Variants in RRN3 observed in about 807,000 individuals in gnomAD.
RRN3 encodes the protein RNA polymerase I-specific transcription initiation factor RRN3.
RRN3 carries 38 observed loss-of-function variants against 82.3 expected under a neutral mutation model. The observed-to-expected ratio is 0.46, with a 90% CI of 0.36 to 0.61. The LOEUF is 0.61. Ranked by LOEUF, RRN3 falls within the 20% of genes least tolerant of loss-of-function variation. RRN3 has a pLI of 0.00. For missense variants in RRN3, 726 were observed against 793.1 expected (o/e 0.92, Z 1.02); for synonymous variants, 284 against 284.3 (o/e 1.00, Z 0.01).
chr16:15,094,208 C>T lies in RRN3; in HGVS notation c.26G>A (p.Arg9His), dbSNP rs1185280098. The T allele has an allele frequency of 6.3e-7, 1 of 1,597,752 alleles. No individual in the cohort carries two copies. Among genetic ancestry groups the T allele is most frequent in the South Asian group, 1.1e-5 (1 of 88,278 alleles). The change falls in exon 1 of 18, where the codon CGT becomes CAT. Residue 9 changes from arginine (R) to histidine (H), a missense_variant. This residue lies in a region of RRN3 where 135 missense variants were observed against 87.4 expected (regional missense o/e 1.55). Coordinates refer to ENST00000198767, the MANE Select transcript of RRN3 (RefSeq NM_018427.5). ...CGAAGCGGCCGCATCTCCCGGCAAA[C>T]GCGTGTGAAGCAGCGGTGCCGCCAT... MAAPLLHT[R>H]LPGDAAASSS...
intron 1 of RRN3, chr16:15,093,936 C>G (rs868750480): frequency 2.7e-5 from 16 of 586,418 alleles, no homozygotes; most frequent in African/African-American, 2.5e-4. Context: ...GCCTCCAGAA[C>G]AGAGAACATA....
rs2045917593 is a variant in RRN3, at chr16:15,086,383, T to C, written c.324A>G (p.Gln108=). 10 of 1,613,746 alleles carry C rather than the reference T, an allele frequency of 6.2e-6. No homozygotes were observed. The East Asian group carries it at 2.2e-4, about 36-fold the overall frequency. Reference sequence around the variant, plus strand: ...AACTTACTAATATAATACTGATAAGTTGCTCAAAGTCTTTTGTCAAGTACA... The same window carrying C: ...AACTTACTAATATAATACTGATAAGCTGCTCAAAGTCTTTTGTCAAGTACA... ...SIMYLTKDFE[Q]LISIILRLPW... is the part of the protein sequence containing the mutation. Residue 108 remains glutamine (Q), a synonymous_variant, in exon 4 of 18, where the codon CAA becomes CAG. Coordinates refer to ENST00000198767, the MANE Select transcript of RRN3 (RefSeq NM_018427.5).
At chr16:15,082,948 GC>G (rs1415108173) in intron 8 of RRN3, among the ~76,000 whole-genome samples, 1 of 152,156 alleles carries the variant, frequency 6.6e-6, no homozygotes, top group Non-Finnish European at 1.5e-5. Context: ...TGAGCATAAA[GC>G]CACTACAGAT....
chr16:15,084,202 T>A (rs1209701528), intron 7 of RRN3, among the ~76,000 whole-genome samples: 1 of 152,216 alleles, frequency 6.6e-6, no homozygotes, highest in Non-Finnish European at 1.5e-5. Flanking sequence ...GAAAAAATCA[T>A]CAAGTTGGAT....
intron 3 of RRN3, among the ~76,000 whole-genome samples, chr16:15,089,567 A>G (rs1280270178): frequency 5.9e-5 from 9 of 152,106 alleles, no homozygotes; most frequent in East Asian, 1.9e-4. Flanking sequence ...TTGGGAGGCC[A>G]AGGCGGGCGG....
chr16:15,090,442 T>C (rs2046085912), intron 3 of RRN3, among the ~76,000 whole-genome samples: 1 of 152,214 alleles, frequency 6.6e-6, no homozygotes, highest in Non-Finnish European at 1.5e-5. Context: ...ATTTCCATGT[T>C]TAAAGCCAGG....
At chr16:15,064,580 C>T (rs2044874337) in intron 16 of RRN3, among the ~76,000 whole-genome samples, 2 of 152,210 alleles carry the variant, frequency 1.3e-5, no homozygotes, top group South Asian at 4.1e-4. Flanking sequence ...AGACAGCACC[C>T]TCCCCTATCC....
At chr16:15,081,773 G>C (rs1036144433) in intron 8 of RRN3, among the ~76,000 whole-genome samples, 1 of 152,110 alleles carries the variant, frequency 6.6e-6, no homozygotes, top group East Asian at 1.9e-4. Context: ...AAATGTACTC[G>C]TTTTCTTCTC....
At chr16:15,087,003 G>A (rs143601319) in intron 3 of RRN3, among the ~76,000 whole-genome samples, 295 of 152,136 alleles carry the variant, frequency 1.9e-3, no homozygotes, top group Admixed American at 6.2e-3. Flanking sequence ...ATATTTTTCG[G>A]GCAATCAAAT....
Position 15,068,244 on chromosome 16 carries a change from C to T in RRN3, c.1478G>A (p.Arg493Gln), listed in dbSNP as rs747114200. The change falls in exon 15 of 18, where the codon CGG (arginine) becomes CAG (glutamine). Residue 493 changes from arginine (R) to glutamine (Q), a missense_variant. By Grantham distance (43) the Arg-to-Gln change is conservative. Transcript: ENST00000198767. ...LQYLQSLNFERIVMSQLNPLK... is the reference protein window; with the variant it reads ...LQYLQSLNFEQIVMSQLNPLK... ...GGGATTTAGCTGGCTCATCACTATC[C>T]GCTCAAAATTCAGACTCTGAAGATA... is the stretch of plus-strand genomic sequence containing the variant. 5.4e-5 allele frequency: 86 copies of T among 1,582,512 alleles called. No individual in the cohort carries two copies. Among genetic ancestry groups the T allele is most frequent in the Admixed American group, 7.3e-5 (4 of 55,094 alleles).
chr16:15,077,708 G>C (rs2045522186), intron 9 of RRN3, among the ~76,000 whole-genome samples: 1 of 152,206 alleles, frequency 6.6e-6, no homozygotes, highest in African/African-American at 2.4e-5. Context: ...GGGCATGGTG[G>C]CATGTGCCTG....
At chr16:15,086,530 A>G in intron 3 of RRN3, 76 bp from the exon 4 acceptor site, 1 of 1,584,334 alleles carries the variant, frequency 6.3e-7, no homozygotes. Flanking sequence ...TCTTATATCA[A>G]TCATTTATCA....
intron 14 of RRN3, among the ~76,000 whole-genome samples, chr16:15,069,606 G>A (rs1304456842): frequency 6.6e-6 from 1 of 152,164 alleles, no homozygotes; most frequent in Admixed American, 6.5e-5. Flanking sequence ...AGCCAAACCT[G>A]GCTTCAGTTT....
rs1247093876 is a variant in RRN3 at position 15,085,676 on chromosome 16, G to A, written c.495C>T (p.Gly165=). 6 of 1,613,252 alleles carry A rather than the reference G, an allele frequency of 3.7e-6. No homozygotes were observed. The highest frequency in any genetic ancestry group is 1.1e-5 in the South Asian group (1 of 91,020). ...FVPPRVIIKE[G]DVDVSDSDDE... is the part of the protein sequence containing the mutation. ...CATCAGAATCTGAAACATCTACATC[G>A]CCTTCCTTAATGATCACTCGGGCTT... Residue 165 remains glycine (G), a synonymous_variant, in exon 6 of 18, where the codon GGC becomes GGT. Coordinates refer to ENST00000198767, the MANE Select transcript of RRN3 (RefSeq NM_018427.5).
intron 3 of RRN3, among the ~76,000 whole-genome samples, chr16:15,087,795 G>T (rs1302514311): frequency 6.6e-6 from 1 of 152,104 alleles, no homozygotes; most frequent in African/African-American, 2.4e-5. Flanking sequence ...AAACTATAAG[G>T]ATAACATTTA....
chr16:15,064,431 T>G (rs1410163259), intron 16 of RRN3, among the ~76,000 whole-genome samples: 1 of 152,158 alleles, frequency 6.6e-6, no homozygotes, highest in Non-Finnish European at 1.5e-5. Context: ...CGCCTCAGCC[T>G]CCCAAAGTGC....
At chr16:15,083,373 T>C in intron 8 of RRN3, 140 bp downstream of exon 8, 1 of 1,356,138 alleles carries the variant, frequency 7.4e-7, no homozygotes, top group Non-Finnish European at 9.9e-7. Flanking sequence ...CACTCCAGCT[T>C]GGGCGACAGA....
At chr16:15,092,083 G>T (rs2046154016) in intron 2 of RRN3, among the ~76,000 whole-genome samples, 1 of 152,152 alleles carries the variant, frequency 6.6e-6, no homozygotes, top group South Asian at 2.1e-4. Flanking sequence ...GAAGACTGAG[G>T]CAGGAGAATT....
chr16:15,085,790 G>A (rs1485709376), intron 5 of RRN3, 92 bp from the exon 6 acceptor site: 9 of 1,519,796 alleles, frequency 5.9e-6, no homozygotes, highest in African/African-American at 1.4e-5. Flanking sequence ...ACAATGAACA[G>A]CTATAAAAAA....
Sources: allele counts gnomAD v4.1 joint callset (sites outside exome capture counted in the v4.1 genomes callset), GRCh38; gene constraint gnomAD v4.1.1; regional missense constraint gnomAD v4.1.1; transcripts MANE v1.5; gene names NCBI Gene and HGNC (gene_info 2026-07-23, HGNC 2026-07-21).